Variants in GSE1 observed in about 807,000 individuals in gnomAD.
GSE1 encodes Gse1 coiled-coil protein, also known as genetic suppressor element 1.
Under a neutral mutation model 112.6 loss-of-function variants are expected in GSE1, and 32 were observed. The observed-to-expected ratio is 0.28, with a 90% CI of 0.21 to 0.38. GSE1 has a LOEUF of 0.38. GSE1 is among the 10% of genes least tolerant of loss of function. The pLI is 1.00. For missense variants in GSE1, 2,348 were observed against 1,699.2 expected (o/e 1.38, Z -6.71); for synonymous variants, 1,115 against 735.6 (o/e 1.52, Z -8.35).
At chr16:85,393,873 A>AG (rs2047904898) in intron 2 of GSE1, among the ~76,000 whole-genome samples, 1 of 152,098 alleles carries the variant, frequency 6.6e-6, no homozygotes, top group Admixed American at 6.5e-5. Flanking sequence ...TCTCACCGCC[A>AG]GGGGGCAGCA....
intron 1 of GSE1, among the ~76,000 whole-genome samples, chr16:85,237,626 CAGG>C (rs765837041): frequency 9.2e-5 from 14 of 151,996 alleles, no homozygotes; most frequent in Non-Finnish European, 1.5e-4. Context: ...ATCACGCGGT[CAGG>C]AGATTGAGAC....
At chr16:85,219,206 G>T (rs907068503) in intron 1 of GSE1, among the ~76,000 whole-genome samples, 4 of 151,782 alleles carry the variant, frequency 2.6e-5, no homozygotes, top group Admixed American at 2.6e-4. Flanking sequence ...TAGACACAGG[G>T]TTTCATTATG....
intron 1 of GSE1, among the ~76,000 whole-genome samples, chr16:85,227,342 A>G (rs2075506756): frequency 6.6e-6 from 1 of 152,236 alleles, no homozygotes; most frequent in South Asian, 2.1e-4. Flanking sequence ...TACTGCACGC[A>G]GGCCTCTTCT....
intron 2 of GSE1, among the ~76,000 whole-genome samples, chr16:85,453,366 A>G (rs545076956): frequency 6.6e-6 from 1 of 152,074 alleles, no homozygotes; most frequent in Non-Finnish European, 1.5e-5. Flanking sequence ...AGGACTCAGC[A>G]TCGGGCGCTG....
At chr16:85,563,496 G>A (rs1279634755) in intron 1 of GSE1, among the ~76,000 whole-genome samples, 2 of 152,226 alleles carry the variant, frequency 1.3e-5, no homozygotes, top group African/African-American at 2.4e-5. Context: ...AGTGGGTGCT[G>A]GGGCTGGGGG....
chr16:85,541,090 G>A (rs998176095), intron 2 of GSE1, among the ~76,000 whole-genome samples: 2 of 152,122 alleles, frequency 1.3e-5, no homozygotes, highest in South Asian at 2.1e-4. Context: ...GTGGGGAGCA[G>A]CAGGCATTTT....
intron 1 of GSE1, among the ~76,000 whole-genome samples, chr16:85,357,240 C>T (rs2046968724): frequency 6.6e-6 from 1 of 152,212 alleles, no homozygotes; most frequent in Admixed American, 6.5e-5. Context: ...AGGGGTCCAG[C>T]CTGGTGTTCC....
chr16:85,527,657 C>T (rs1004991510), intron 2 of GSE1, among the ~76,000 whole-genome samples: 4 of 152,210 alleles, frequency 2.6e-5, no homozygotes, highest in Admixed American at 1.3e-4. Flanking sequence ...GAAGCGGGGC[C>T]GGCAGCCCTG....
At chr16:85,662,153 C>CA (rs2052486923) in intron 9 of GSE1, 1 of 175,194 alleles carries the variant, frequency 5.7e-6, no homozygotes, top group Non-Finnish European at 1.2e-5. Flanking sequence ...GGGCCGCTGC[C>CA]ACGAGCTGCA....
At chr16:85,407,937 CT>C (rs375085348) in intron 2 of GSE1, among the ~76,000 whole-genome samples, 5 of 53,238 alleles carry the variant, frequency 9.4e-5, no homozygotes, top group Admixed American at 4.7e-4. Context: ...TCAGGCCCCC[CT>C]GGATAATCCT....
chr16:85,449,709 G>A (rs1311855147), intron 2 of GSE1, among the ~76,000 whole-genome samples: 1 of 152,234 alleles, frequency 6.6e-6, no homozygotes, highest in Non-Finnish European at 1.5e-5. Flanking sequence ...GTGAGCTGGG[G>A]GCACTGGGGC....
At chr16:85,626,687 G>A (rs759368436) in intron 1 of GSE1, among the ~76,000 whole-genome samples, 5 of 152,230 alleles carry the variant, frequency 3.3e-5, no homozygotes, top group African/African-American at 4.8e-5. Context: ...CTATTAGCTT[G>A]TAATTACAGA....
At chr16:85,176,801 C>T (rs1046924114) in intron 1 of GSE1, among the ~76,000 whole-genome samples, 3 of 152,256 alleles carry the variant, frequency 2.0e-5, no homozygotes, top group African/African-American at 7.2e-5. Flanking sequence ...CTGCAGAGAG[C>T]GTCTGTCGTC....
chr16:85,374,412 G>A (rs1027533854), intron 2 of GSE1, among the ~76,000 whole-genome samples: 2 of 152,000 alleles, frequency 1.3e-5, no homozygotes, highest in South Asian at 4.2e-4. Flanking sequence ...CCCTCCGTGT[G>A]CAGTGTGTGT....
At chr16:85,466,512 A>G (rs1219538962) in intron 2 of GSE1, among the ~76,000 whole-genome samples, 2 of 152,198 alleles carry the variant, frequency 1.3e-5, no homozygotes, top group Non-Finnish European at 2.9e-5. Flanking sequence ...AGGAGTTAGC[A>G]GCCCTGGGAG....
intron 2 of GSE1, among the ~76,000 whole-genome samples, chr16:85,513,487 C>A (rs1280123839): frequency 1.3e-5 from 2 of 152,124 alleles, no homozygotes; most frequent in Non-Finnish European, 2.9e-5. Flanking sequence ...CAGGCTACCC[C>A]CCTCACCGCT....
rs535720792 is a variant in GSE1 at position 85,529,627 on chromosome 16, C to T, written c.2465-104287C>T. ...CCCACTACGGGGCCCCTTTTCCTTG[C>T]CTAACTGGCCCTCCCAGCACGTGAG... is the stretch of plus-strand genomic sequence containing the variant. On this transcript the variant is annotated intron_variant, in intron 2 of 2. Transcript: ENST00000637419. Among the ~76,000 whole-genome samples, 7 of 152,276 alleles carry T rather than the reference C, an allele frequency of 4.6e-5. No homozygotes were observed. In the South Asian group the frequency reaches 1.5e-3, roughly 32 times the overall value.
intron 2 of GSE1, among the ~76,000 whole-genome samples, chr16:85,478,592 G>A (rs1284071191): frequency 1.3e-5 from 2 of 151,386 alleles, no homozygotes; most frequent in African/African-American, 4.8e-5. Flanking sequence ...TCAGTTGGTG[G>A]CCATGTGGGC....
chr16:85,626,924 A>C (rs1370793863), intron 1 of GSE1, among the ~76,000 whole-genome samples: 2 of 151,762 alleles, frequency 1.3e-5, no homozygotes, highest in Non-Finnish European at 2.9e-5. Flanking sequence ...GACAGCAGGC[A>C]GACCGGTTTG....
Sources: allele counts gnomAD v4.1 joint callset (sites outside exome capture counted in the v4.1 genomes callset), GRCh38; gene constraint gnomAD v4.1.1; transcripts MANE v1.5; gene names NCBI Gene and HGNC (gene_info 2026-07-23, HGNC 2026-07-21).